The following COG7 variants were observed in gnomAD, a reference collection of about 807,000 sequenced individuals.
COG7 encodes conserved oligomeric Golgi complex subunit 7.
COG7 carries 49 observed loss-of-function variants against 91.5 expected under a neutral mutation model. The observed-to-expected ratio is 0.54, with a 90% CI of 0.43 to 0.68. The LOEUF is 0.68. COG7 is among the 30% of genes least tolerant of loss of function. The probability of loss-of-function intolerance (pLI) is 0.00; values close to 1 mark genes in which losing one functional copy is unlikely to be tolerated. For missense variants in COG7, 895 were observed against 961.3 expected, an observed-to-expected ratio of 0.93 and a Z score of 0.91; for synonymous variants, 365 against 388.7, an observed-to-expected ratio of 0.94 and a Z score of 0.72.
intron 13 of COG7, among the ~76,000 whole-genome samples, chr16:23,400,763 A>C (rs1452821774): frequency 6.6e-6 from 1 of 152,152 alleles, no homozygotes; most frequent in Non-Finnish European, 1.5e-5. Flanking sequence ...TGAGCCCAGG[A>C]GTTTGAGACC....
Position 23,433,653 on chromosome 16 carries a change from T to G in COG7, c.702A>C (p.Ala234=), listed in dbSNP as rs751164551. ...CACTTTGACACAGCTCTTGCCAGGC[T>G]GCTAAAAGCTGCACCTGCAGAGACA... is the stretch of plus-strand genomic sequence containing the variant. ...YYKCHKVQLL[A]AWQELCQSDL... is the part of the protein sequence containing the mutation. Residue 234 remains alanine (A), a synonymous_variant, in exon 6 of 17, where the codon GCA becomes GCC. Coordinates refer to ENST00000307149, the MANE Select transcript of COG7 (RefSeq NM_153603.4). 1 of 1,614,054 alleles carries G rather than the reference T, an allele frequency of 6.2e-7. No individual in the cohort carries two copies. Among genetic ancestry groups the G allele is most frequent in the East Asian group, 2.2e-5 (1 of 44,866 alleles).
At chr16:23,425,022 T>C (rs2142081541) in intron 6 of COG7, 75 bp from the exon 7 acceptor site, 2 of 1,322,560 alleles carry the variant, frequency 1.5e-6, no homozygotes, top group South Asian at 2.5e-5. Context: ...AAAAACTTTT[T>C]TGAGATGCCA....
chr16:23,412,988 T>C (rs999237431), intron 10 of COG7: 11 of 179,036 alleles, frequency 6.1e-5, no homozygotes, highest in Non-Finnish European at 1.3e-4. Flanking sequence ...GCCCAGCCCT[T>C]TCACTGAACT....
Position 23,419,646 on chromosome 16 carries a change from G to A in COG7, c.1010-819C>T, listed in dbSNP as rs375382238. ...CACCTGTAATTCCTGCTACTCGGGA[G>A]GCTGAGGCAGGAGAATTGCTTGAAC... On this transcript the variant is annotated intron_variant, in intron 7 of 16. Coordinates refer to ENST00000307149, the MANE Select transcript of COG7 (RefSeq NM_153603.4). 2.4e-4 allele frequency among the ~76,000 whole-genome samples: 36 copies of A among 150,576 alleles called. No individual in the cohort carries two copies. In the East Asian group the frequency reaches 6.3e-3, roughly 26 times the overall value.
At chr16:23,449,155 A>G (rs1964225389) in intron 1 of COG7, among the ~76,000 whole-genome samples, 1 of 151,018 alleles carries the variant, frequency 6.6e-6, no homozygotes, top group Admixed American at 6.6e-5. Flanking sequence ...CAAGGTCAGG[A>G]GATCGAGACC....
chr16:23,430,615 C>T (rs1963919538), intron 6 of COG7, among the ~76,000 whole-genome samples: 1 of 151,482 alleles, frequency 6.6e-6, no homozygotes, highest in African/African-American at 2.4e-5. Context: ...AATCTCGGCT[C>T]ACAGCAACCT....
At chr16:23,424,714 G>A in intron 7 of COG7, 35 bp downstream of exon 7, 1 of 1,606,480 alleles carries the variant, frequency 6.2e-7, no homozygotes, top group Non-Finnish European at 8.5e-7. Context: ...AGCGAGTAAA[G>A]ACAAGCTAGA....
intron 1 of COG7, among the ~76,000 whole-genome samples, chr16:23,452,029 TG>T (rs1964273657): frequency 6.6e-6 from 1 of 152,194 alleles, no homozygotes; most frequent in Admixed American, 6.6e-5. Context: ...TCTTTGACAC[TG>T]GGCTCTTGAC....
intron 6 of COG7, among the ~76,000 whole-genome samples, chr16:23,426,626 A>G (rs1049342225): frequency 4.6e-5 from 7 of 152,102 alleles, no homozygotes; most frequent in African/African-American, 1.4e-4. Context: ...AAAATTCCAT[A>G]CCCTTCATGA....
At chr16:23,449,375 T>TAAAATTAAAA (rs1187287842) in intron 1 of COG7, among the ~76,000 whole-genome samples, 63 of 114,074 alleles carry the variant, frequency 5.5e-4, no homozygotes, top group African/African-American at 2.1e-3. Flanking sequence ...AAAAATAAAA[T>TAAAATTAAAA]TAAATTAAAA....
At chr16:23,431,643 T>C (rs571173957) in intron 6 of COG7, among the ~76,000 whole-genome samples, 102 of 151,250 alleles carry the variant, frequency 6.7e-4, no homozygotes, top group African/African-American at 2.4e-3. Flanking sequence ...ACCCCATCTG[T>C]ACTAAAAACA....
chr16:23,428,423 T>A lies in COG7; in HGVS notation c.811-3476A>T, dbSNP rs535760253. 2.6e-5 allele frequency among the ~76,000 whole-genome samples: 4 copies of A among 152,094 alleles called. No homozygotes were observed. In the East Asian group the frequency reaches 5.8e-4, roughly 22 times the overall value. On this transcript the variant is annotated intron_variant, in intron 6 of 16. Transcript: ENST00000307149. ...AAAAGGCAAATAACCTGTTTTTTTT[T>A]AATGGACAAAAGACCTGAATAGACA...
At chr16:23,403,917 C>A in intron 12 of COG7, 83 bp from the exon 13 acceptor site, 1 of 1,545,106 alleles carries the variant, frequency 6.5e-7, no homozygotes, top group Non-Finnish European at 8.9e-7. Context: ...TGAAAACTCA[C>A]AGGAGAACTG....
Position 23,414,743 on chromosome 16 carries a change from T to C in COG7, c.1293-1179A>G, listed in dbSNP as rs557868329. Reference sequence around the variant, plus strand: ...CCAGGAACTAGCACAGAGCTGGACATAAAGGAGGGAGTCATGTCCTCTGAA... The same window carrying C: ...CCAGGAACTAGCACAGAGCTGGACACAAAGGAGGGAGTCATGTCCTCTGAA... On this transcript the variant is annotated intron_variant, in intron 9 of 16. Coordinates refer to ENST00000307149, the MANE Select transcript of COG7 (RefSeq NM_153603.4). 4 of 152,310 alleles carry C rather than the reference T, an allele frequency of 2.6e-5. No homozygotes were observed. The South Asian group carries it at 8.3e-4, about 32-fold the overall frequency. 9.4% of individuals were successfully genotyped at this position (152,310 alleles called of 1,614,324 possible). A position where few individuals can be genotyped will look rare whatever the true frequency, so the allele number is the denominator to read the frequency against.
chr16:23,406,265 G>A lies in COG7; in HGVS notation c.1476-3C>T, dbSNP rs551490261. The stretch of plus-strand genomic sequence containing the variant: ...ACTTCCCAGCTGTGGACAAAATCCT[G>A]TAATGAAAGGAATGACCATTATGCC... On this transcript the variant is annotated splice_polypyrimidine_tract_variant and splice_region_variant and intron_variant, in intron 11 of 16. Coordinates refer to ENST00000307149, the MANE Select transcript of COG7 (RefSeq NM_153603.4). The A allele has an allele frequency of 8.0e-5, 129 of 1,613,244 alleles. No homozygotes were observed. Among genetic ancestry groups the A allele is most frequent in the Non-Finnish European group, 1.0e-4 (122 of 1,179,300 alleles).
Position 23,424,796 on chromosome 16 carries a change from G to T in COG7, c.962C>A (p.Thr321Asn). 1 of 1,614,250 alleles carries T rather than the reference G, an allele frequency of 6.2e-7. No homozygotes were observed. The highest frequency in any genetic ancestry group is 8.5e-7 in the Non-Finnish European group (1 of 1,180,048). ...LTRLLEFYDA[T>N]AHFAKGLEMA... ...CTCCAAGCCCTTGGCGAAGTGGGCG[G>T]TGGCGTCGTAGAACTCCAGCAGCCT... Residue 321 changes from threonine to asparagine, a missense_variant, in exon 7 of 17, where the codon ACC (threonine) becomes AAC (asparagine). By Grantham distance (65) the Thr-to-Asn change is moderately conservative (BLOSUM62 0). Transcript: ENST00000307149.
At chr16:23,398,321 T>G (rs1963317995) in intron 13 of COG7, among the ~76,000 whole-genome samples, 192 bp from the exon 14 acceptor site, 1 of 152,182 alleles carries the variant, frequency 6.6e-6, no homozygotes, top group Admixed American at 6.5e-5. Context: ...AAGCCCGCCA[T>G]ACAGAAGGCA....
chr16:23,439,868 C>A (rs1454245085), intron 4 of COG7, among the ~76,000 whole-genome samples: 1 of 151,998 alleles, frequency 6.6e-6, no homozygotes, highest in Middle Eastern at 3.2e-3. Flanking sequence ...ATGCATTTTG[C>A]CACAATTTTT....
chr16:23,424,182 A>G (rs918391377), intron 7 of COG7, among the ~76,000 whole-genome samples: 11 of 151,854 alleles, frequency 7.2e-5, no homozygotes, highest in African/African-American at 2.7e-4. Context: ...CTGTAATTCC[A>G]GCTACTTGGG....
Sources: allele counts gnomAD v4.1 joint callset (sites outside exome capture counted in the v4.1 genomes callset), GRCh38; gene constraint gnomAD v4.1.1; transcripts MANE v1.5; gene names NCBI Gene and HGNC (gene_info 2026-07-23, HGNC 2026-07-21).